The following FAM184A variants were observed in gnomAD, a reference collection of about 807,000 sequenced individuals.
FAM184A encodes family with sequence similarity 184 member A.
Under a neutral mutation model 143.8 loss-of-function variants are expected in FAM184A, and 99 were observed. The ratio of observed to expected loss-of-function variants is 0.69; its 90% CI spans 0.58 to 0.81. The LOEUF is 0.81. FAM184A is among the 40% of genes least tolerant of loss of function. The pLI is 0.00. For synonymous variants in FAM184A, 427 were observed against 446.4 expected, an observed-to-expected ratio of 0.96 and a Z score of 0.55; for missense variants, 1,217 against 1,310.5, an observed-to-expected ratio of 0.93 and a Z score of 1.10.
Position 119,044,496 on chromosome 6 carries a change from T to C in FAM184A, c.160-19683A>G, listed in dbSNP as rs143047112. On this transcript the variant is annotated intron_variant, in intron 1 of 17. Transcript: ENST00000338891. ...TACTCGGCAGGCTGAGGTGGCCAGA[T>C]TGCTTTAGCCTAGGAGTTCAAGGGC... 3.4e-3 allele frequency among the ~76,000 whole-genome samples: 514 copies of C among 152,048 alleles called. 4 individuals are homozygous for C. The highest frequency in any genetic ancestry group is 0.012 in the African/African-American group (492 of 41,448).
At position 119,020,070 on chromosome 6, in the gene FAM184A, A is replaced by C; in HGVS notation, c.1240T>G (p.Leu414Val). 2.5e-6 allele frequency: 4 copies of C among 1,609,868 alleles called. No individual in the cohort carries two copies. Among genetic ancestry groups the C allele is most frequent in the Non-Finnish European group, 3.4e-6 (4 of 1,178,812 alleles). The change falls in exon 4 of 18, where the codon TTA (leucine) becomes GTA (valine). Residue 414 changes from leucine to valine, a missense_variant. Coordinates refer to ENST00000338891, the MANE Select transcript of FAM184A (RefSeq NM_024581.6). The stretch of plus-strand genomic sequence containing the variant: ...GCTCTTTCCTCTTCAAGTTGAGATA[A>C]TCTCTCATTGACTCTCGATTTTTCT... ...ESEKSRVNER[L>V]SQLEEERAFL...
At chr6:119,091,476 C>G (rs1199258899) in intron 1 of FAM184A, among the ~76,000 whole-genome samples, 1 of 152,162 alleles carries the variant, frequency 6.6e-6, no homozygotes. Context: ...AGTTCAGCAA[C>G]TTGTGGATAC....
In FAM184A at chr6:118,964,735, G is replaced by T; in HGVS notation, c.3070C>A (p.Arg1024=). The T allele has an allele frequency of 6.2e-7, 1 of 1,606,424 alleles. No individual in the cohort carries two copies. Among genetic ancestry groups the T allele is most frequent in the Non-Finnish European group, 8.5e-7 (1 of 1,174,244 alleles). The change falls in exon 16 of 18, where the codon CGA becomes AGA. Residue 1024 remains arginine (R), a synonymous_variant. Coordinates refer to ENST00000338891, the MANE Select transcript of FAM184A (RefSeq NM_024581.6). The stretch of plus-strand genomic sequence containing the variant: ...AACACTTTGTTGAAGTTAGTTTCTC[G>T]ATTGACTAATTCCAGCTGATAAAAC... ...NKFYQLELVN[R]ETNFNKVFNS...
chr6:118,974,951 AG>A (rs1783803225), intron 13 of FAM184A, 72 bp downstream of exon 13: 1 of 1,237,196 alleles, frequency 8.1e-7, no homozygotes. Flanking sequence ...AAATTAGCAT[AG>A]ATTACTAAAT....
At chr6:119,064,033 T>C (rs1363473568) in intron 1 of FAM184A, among the ~76,000 whole-genome samples, 50 of 152,170 alleles carry the variant, frequency 3.3e-4, no homozygotes, top group Non-Finnish European at 2.9e-5. Context: ...GTACCCCGGA[T>C]CTTGTTATAA....
At chr6:118,974,347 A>C (rs1385865504) in intron 14 of FAM184A, 81 bp downstream of exon 14, 1 of 1,335,642 alleles carries the variant, frequency 7.5e-7, no homozygotes, top group Non-Finnish European at 1.0e-6. Flanking sequence ...TTAGAGTCAA[A>C]ATAACAGCTA....
At position 119,024,430 on chromosome 6, in the gene FAM184A, T is replaced by A; in HGVS notation, c.543A>T (p.Lys181Asn). The change falls in exon 2 of 18, where the codon AAA becomes AAT. Residue 181 changes from lysine (K) to asparagine (N), a missense_variant. Transcript: ENST00000338891. ...AGTCTTCCAATGCCAATCGTTTGTC[T>A]TTTTCAAACTGTACTTGAAGTTGTC... is the stretch of plus-strand genomic sequence containing the variant. ...SFGQLQVQFE[K>N]DKRLALEDLQ... 6.2e-7 allele frequency: 1 copy of A among 1,614,204 alleles called. No individual in the cohort carries two copies. The highest frequency in any genetic ancestry group is 2.2e-5 in the East Asian group (1 of 44,886).
intron 5 of FAM184A, among the ~76,000 whole-genome samples, chr6:119,014,119 T>A (rs1785168303): frequency 6.6e-6 from 1 of 152,252 alleles, no homozygotes; most frequent in Admixed American, 6.5e-5. Context: ...CCCTCTTCAG[T>A]AAAATGTGTA....
intron 6 of FAM184A, among the ~76,000 whole-genome samples, chr6:119,010,284 CT>C (rs1187651245): frequency 6.6e-6 from 1 of 152,198 alleles, no homozygotes; most frequent in Non-Finnish European, 1.5e-5. Context: ...ACATGCCTGT[CT>C]TTAAGGCTTT....
chr6:119,130,858 CT>C (rs67738048), intron 1 of FAM184A, among the ~76,000 whole-genome samples: 6,214 of 131,548 alleles, frequency 0.047, 158 homozygotes, highest in Middle Eastern at 0.12. Flanking sequence ...TTCTTTTTTT[CT>C]TTTTTTTTTT....
intron 1 of FAM184A, among the ~76,000 whole-genome samples, chr6:119,102,830 T>C (rs1371262071): frequency 1.5e-5 from 1 of 64,590 alleles, no homozygotes; most frequent in African/African-American, 5.7e-5. Flanking sequence ...GAAAAGAAAA[T>C]ATCACTAAAA....
At chr6:119,050,460 T>C (rs1582555873) in intron 1 of FAM184A, among the ~76,000 whole-genome samples, 1 of 151,664 alleles carries the variant, frequency 6.6e-6, no homozygotes, top group East Asian at 1.9e-4. Context: ...GGGTTTTTTT[T>C]TTAAAAAAAG....
chr6:119,080,670 C>T (rs1562142379), upstream of FAM184A, among the ~76,000 whole-genome samples: 3 of 152,138 alleles, frequency 2.0e-5, no homozygotes, highest in South Asian at 4.1e-4. Flanking sequence ...GGTTGAGCTT[C>T]CCAAATCCAA....
At chr6:119,068,171 C>T (rs778175103) in intron 1 of FAM184A, among the ~76,000 whole-genome samples, 4 of 151,306 alleles carry the variant, frequency 2.6e-5, no homozygotes, top group Non-Finnish European at 2.9e-5. Flanking sequence ...CTCAGCCTCC[C>T]GAGTAGCTGG....
At chr6:119,077,130 C>G (rs1038364206) in intron 1 of FAM184A, among the ~76,000 whole-genome samples, 1 of 152,136 alleles carries the variant, frequency 6.6e-6, no homozygotes, top group Admixed American at 6.5e-5. Context: ...TTCCTCTCTT[C>G]CGAATCTCAT....
intron 14 of FAM184A, among the ~76,000 whole-genome samples, chr6:118,972,983 A>G (rs1307933148): frequency 6.6e-6 from 1 of 152,242 alleles, no homozygotes; most frequent in East Asian, 1.9e-4. Flanking sequence ...CACCTCTAAT[A>G]ACAGCAAACA....
chr6:119,062,850 T>C (rs1252481536), intron 1 of FAM184A, among the ~76,000 whole-genome samples: 2 of 152,158 alleles, frequency 1.3e-5, no homozygotes, highest in Admixed American at 1.3e-4. Context: ...CTTATACATC[T>C]GTTAGATTGC....
At chr6:119,140,389 G>C (rs1174735985) in intron 1 of FAM184A, among the ~76,000 whole-genome samples, 1 of 152,204 alleles carries the variant, frequency 6.6e-6, no homozygotes, top group East Asian at 1.9e-4. Context: ...CTGGCCTCAT[G>C]AGAGAGCCCC....
chr6:119,133,135 G>A (rs1209019745), intron 1 of FAM184A, among the ~76,000 whole-genome samples: 5 of 151,956 alleles, frequency 3.3e-5, no homozygotes, highest in Admixed American at 2.0e-4. Context: ...CTGAGAATTA[G>A]CAAAGTCTTA....
Sources: gnomAD v4.1 joint callset for allele counts (sites outside exome capture counted in the v4.1 genomes callset) on GRCh38, gnomAD v4.1.1 for gene constraint, MANE v1.5 for transcripts, NCBI Gene and HGNC (gene_info 2026-07-23, HGNC 2026-07-21) for gene names.